SMCHD1: variants seen among roughly 807,000 people sequenced by gnomAD.
SMCHD1 encodes structural maintenance of chromosomes flexible hinge domain-containing protein 1.
SMCHD1 carries 78 observed loss-of-function variants against 254.7 expected under a neutral mutation model. The observed-to-expected ratio is 0.31, with a 90% CI of 0.26 to 0.37. The LOEUF is 0.37. SMCHD1 is among the 10% of genes least tolerant of loss of function. The pLI is 1.00. For synonymous variants in SMCHD1, 766 were observed against 794.9 expected (o/e 0.96, Z 0.61); for missense variants, 1,840 against 2,408.1 (o/e 0.76, Z 4.94).
At chr18:2,726,884 A>T (rs2075037167) in intron 22 of SMCHD1, 1 of 155,678 alleles carries the variant, frequency 6.4e-6, no homozygotes, top group African/African-American at 2.4e-5. Flanking sequence ...ATTTTTATTA[A>T]GTTAACTTGA....
intron 47 of SMCHD1, among the ~76,000 whole-genome samples, chr18:2,801,758 C>CA (rs1250825699): frequency 9.9e-5 from 15 of 152,070 alleles, no homozygotes; most frequent in Non-Finnish European, 2.1e-4. Flanking sequence ...ATTTCATTAA[C>CA]TATAAAAATG....
chr18:2,754,743 CCAT>C lies in SMCHD1; in HGVS notation c.4346+2193_4346+2195del, dbSNP rs1302451149. Among the ~76,000 whole-genome samples the C allele has an allele frequency of 5.9e-5, 9 of 152,126 alleles. No individual in the cohort carries two copies. In the East Asian group the frequency reaches 1.7e-3, roughly 29 times the overall value. ...AAACTCACAGATGTCTGCGAAGGGC[CCAT>C]CTTGCAAGCAGACAAGTGCTTCTAA... On this transcript the variant is annotated intron_variant, in intron 34 of 47. Transcript: ENST00000320876.
intron 30 of SMCHD1, 28 bp downstream of exon 30, chr18:2,747,675 A>T: frequency 1.3e-6 from 2 of 1,483,912 alleles, no homozygotes; most frequent in East Asian, 2.4e-5. Flanking sequence ...TTACATCTTC[A>T]TTTAAAATTC....
At chr18:2,731,940 G>A (rs967643266) in intron 24 of SMCHD1, among the ~76,000 whole-genome samples, 7 of 152,144 alleles carry the variant, frequency 4.6e-5, no homozygotes, top group African/African-American at 1.7e-4. Flanking sequence ...GAACCCAGAA[G>A]GCAGAGGTTG....
chr18:2,717,241 G>A (rs555602), intron 17 of SMCHD1, among the ~76,000 whole-genome samples: 148,639 of 152,302 alleles, frequency 0.98, 72,558 homozygotes, highest in East Asian at 1. Context: ...GGAGCTCCCA[G>A]CTGGCTTCAG....
chr18:2,740,441 ATAT>A (rs2075327577), intron 27 of SMCHD1, among the ~76,000 whole-genome samples: 1 of 152,158 alleles, frequency 6.6e-6, no homozygotes, highest in African/African-American at 2.4e-5. Flanking sequence ...TTACATTAAA[ATAT>A]TATCTTCAAA....
chr18:2,683,657 C>A (rs527799867), intron 5 of SMCHD1, among the ~76,000 whole-genome samples: 3 of 152,242 alleles, frequency 2.0e-5, no homozygotes, highest in East Asian at 3.9e-4. Flanking sequence ...TTATTCATTT[C>A]TTTATATCCT....
intron 40 of SMCHD1, 87 bp downstream of exon 40, chr18:2,771,705 G>T: frequency 9.4e-7 from 1 of 1,066,796 alleles, no homozygotes; most frequent in South Asian, 2.1e-5. Context: ...TAGGAATTCT[G>T]AGTATTGTTG....
At chr18:2,777,426 G>C (rs1433014177) in intron 42 of SMCHD1, among the ~76,000 whole-genome samples, 2 of 152,208 alleles carry the variant, frequency 1.3e-5, no homozygotes, top group African/African-American at 2.4e-5. Context: ...CCTCATATGT[G>C]TCTCAGTCTT....
chr18:2,665,996 T>G (rs1382875301), intron 1 of SMCHD1, among the ~76,000 whole-genome samples, 161 bp from the exon 2 acceptor site: 1 of 152,254 alleles, frequency 6.6e-6, no homozygotes, highest in Non-Finnish European at 1.5e-5. Context: ...CTATTAATTA[T>G]GCAAAGGCAA....
At chr18:2,658,886 A>G in intron 1 of SMCHD1, among the ~76,000 whole-genome samples, 1 of 149,614 alleles carries the variant, frequency 6.7e-6, no homozygotes, top group Non-Finnish European at 1.5e-5. Flanking sequence ...ACACACATAT[A>G]TACACATATA....
Position 2,803,482 on chromosome 18 carries a change from TTGATC to T in SMCHD1, c.*933_*937del, listed in dbSNP as rs1202191923. The T allele has an allele frequency of 6.6e-6, 1 of 152,056 alleles. No homozygotes were observed. Among genetic ancestry groups the T allele is most frequent in the Non-Finnish European group, 1.5e-5 (1 of 67,986 alleles). The allele number at this position is 152,056 out of a possible 1,614,324, so 9.4% of individuals were successfully genotyped here. On this transcript the variant is annotated 3_prime_UTR_variant, in exon 48 of 48. Transcript: ENST00000320876. The stretch of plus-strand genomic sequence containing the variant: ...ATGTCTTTGTGTAAGTTCAAGACTA[TTGATC>T]TGTGAAGTTATTTTGTAAGGACATA...
chr18:2,797,809 C>T (rs955473936), intron 47 of SMCHD1, among the ~76,000 whole-genome samples: 12 of 151,878 alleles, frequency 7.9e-5, no homozygotes, highest in South Asian at 6.2e-4. Flanking sequence ...CCCAGCTACT[C>T]GGGAGGCTGA....
In SMCHD1 at chr18:2,688,441, A is replaced by G. The variant is rs371805529; in HGVS notation, c.686A>G (p.Asn229Ser). 6.2e-7 allele frequency: 1 copy of G among 1,613,842 alleles called. No homozygotes were observed. Among genetic ancestry groups the G allele is most frequent in the African/African-American group, 1.3e-5 (1 of 74,942 alleles). The stretch of plus-strand genomic sequence containing the variant: ...CCAGTACCAGTGCCACGCAGTTTAA[A>G]TAGTGATATTTCCTATTTTGGTGTT... ...VRPVPVPRSLNSDISYFGVGG... is the reference protein window; with the variant it reads ...VRPVPVPRSLSSDISYFGVGG... The change falls in exon 6 of 48, where the codon AAT (asparagine) becomes AGT (serine). Residue 229 changes from asparagine to serine, a missense_variant. Physicochemically the swap from Asn to Ser is conservative, Grantham distance 46. This residue lies in a region of SMCHD1 where 498 missense variants were observed against 743.5 expected (regional missense o/e 0.67). Transcript: ENST00000320876.
intron 27 of SMCHD1, among the ~76,000 whole-genome samples, chr18:2,740,158 G>T (rs1162608491): frequency 6.6e-6 from 1 of 151,962 alleles, no homozygotes; most frequent in African/African-American, 2.4e-5. Flanking sequence ...TGTTCAACTC[G>T]CACTTAAGAG....
chr18:2,740,863 T>A (rs1291440537), intron 28 of SMCHD1, 42 bp downstream of exon 28: 2 of 1,092,312 alleles, frequency 1.8e-6, no homozygotes, highest in Non-Finnish European at 2.6e-6. Context: ...ATTTATTCAT[T>A]GTTATATGTG....
At chr18:2,679,654 C>T (rs1182288995) in intron 5 of SMCHD1, among the ~76,000 whole-genome samples, 1 of 151,960 alleles carries the variant, frequency 6.6e-6, no homozygotes, top group Non-Finnish European at 1.5e-5. Context: ...TTTTGAGATT[C>T]TCTTTTTGTC....
intron 1 of SMCHD1, among the ~76,000 whole-genome samples, chr18:2,656,799 G>T (rs546796002): frequency 6.6e-6 from 1 of 152,132 alleles, no homozygotes; most frequent in South Asian, 2.1e-4. Flanking sequence ...GCGGGGCGGC[G>T]GGGGGGATCC....
chr18:2,689,513 G>A (rs1049313339), intron 7 of SMCHD1, among the ~76,000 whole-genome samples: 15 of 151,548 alleles, frequency 9.9e-5, no homozygotes, highest in Admixed American at 2.0e-4. Flanking sequence ...GAGCCACCGC[G>A]CCCAGCCTGA....
Sources: gnomAD v4.1 joint callset for allele counts (sites outside exome capture counted in the v4.1 genomes callset) on GRCh38, gnomAD v4.1.1 for gene constraint, gnomAD v4.1.1 regional missense constraint, MANE v1.5 for transcripts, NCBI Gene and HGNC (gene_info 2026-07-23, HGNC 2026-07-21) for gene names.